Variants in LRP1B observed in about 807,000 individuals in gnomAD.
LRP1B encodes low-density lipoprotein receptor-related protein 1B.
LRP1B carries 217 observed loss-of-function variants against 556.6 expected under a neutral mutation model. The observed-to-expected ratio is 0.39, with a 90% CI of 0.35 to 0.44. LRP1B has a LOEUF of 0.44. LRP1B is among the 20% of genes least tolerant of loss of function. The pLI, the probability that LRP1B is intolerant of heterozygous loss-of-function variation, is 1.00. For missense variants in LRP1B, 5,053 were observed against 5,620.8 expected (o/e 0.90, Z 3.23); for synonymous variants, 2,047 against 1,865.8 (o/e 1.10, Z -2.50).
intron 1 of LRP1B, among the ~76,000 whole-genome samples, chr2:142,016,722 A>G (rs1559023952): frequency 6.6e-6 from 1 of 151,970 alleles, no homozygotes; most frequent in Non-Finnish European, 1.5e-5. Flanking sequence ...GAAATACCTA[A>G]TGTAGATGAC....
At chr2:140,881,150 A>G (rs1693459775) in intron 25 of LRP1B, among the ~76,000 whole-genome samples, 1 of 152,168 alleles carries the variant, frequency 6.6e-6, no homozygotes, top group African/African-American at 2.4e-5. Context: ...AATTGGGGAA[A>G]ATCTTATGTT....
At chr2:140,915,810 C>T (rs7600168) in intron 21 of LRP1B, among the ~76,000 whole-genome samples, 32,694 of 151,712 alleles carry the variant, frequency 0.22, 3,991 homozygotes, top group East Asian at 0.42. Flanking sequence ...TGTCAGCTCA[C>T]GAGGTCAGGA....
At chr2:140,459,556 G>A (rs1346153639) in intron 60 of LRP1B, among the ~76,000 whole-genome samples, 1 of 152,148 alleles carries the variant, frequency 6.6e-6, no homozygotes, top group Non-Finnish European at 1.5e-5. Context: ...CATTTCAAAA[G>A]GAAGTCTTTT....
chr2:140,382,267 C>A (rs1683544635), intron 67 of LRP1B, among the ~76,000 whole-genome samples: 1 of 152,066 alleles, frequency 6.6e-6, no homozygotes, highest in Middle Eastern at 3.4e-3. Context: ...GCAGAAGCAG[C>A]TTGTCTCTCT....
intron 1 of LRP1B, among the ~76,000 whole-genome samples, chr2:141,999,748 T>C (rs1702601554): frequency 6.6e-6 from 1 of 151,942 alleles, no homozygotes; most frequent in Admixed American, 6.6e-5. Context: ...TAGTTGATTA[T>C]CATTAGAAAT....
At chr2:140,745,417 T>C (rs1688283379) in intron 35 of LRP1B, among the ~76,000 whole-genome samples, 1 of 152,170 alleles carries the variant, frequency 6.6e-6, no homozygotes, top group African/African-American at 2.4e-5. Flanking sequence ...TCAATCTAAT[T>C]TGATTAGGCA....
intron 35 of LRP1B, among the ~76,000 whole-genome samples, chr2:140,745,351 T>G (rs1196911807): frequency 3.9e-5 from 6 of 152,174 alleles, no homozygotes; most frequent in Non-Finnish European, 8.8e-5. Context: ...TTACTCAAAT[T>G]CTTTAAAATA....
Position 140,529,442 on chromosome 2 carries a change from G to GGGGA in LRP1B, c.7763-3093_7763-3092insTCCC, listed in dbSNP as rs1553481433. ...AAAGGGAAGCTGAAAAGGGGGGGGG[G>GGGGA]AAGCATTAAGTTTGCTCTCATATCT... On this transcript the variant is annotated intron_variant, in intron 47 of 90. Coordinates refer to ENST00000389484, the MANE Select transcript of LRP1B (RefSeq NM_018557.3). Among the ~76,000 whole-genome samples, 1,226 of 149,728 alleles carry GGGGA rather than the reference G, an allele frequency of 8.2e-3. 18 individuals carry two copies. Among genetic ancestry groups the GGGGA allele is most frequent in the African/African-American group, 0.027 (1,090 of 40,494 alleles).
At chr2:141,695,723 A>C (rs1235874326) in intron 2 of LRP1B, among the ~76,000 whole-genome samples, 2 of 152,126 alleles carry the variant, frequency 1.3e-5, no homozygotes, top group Non-Finnish European at 2.9e-5. Context: ...TGTTAAAAAA[A>C]ACCCAAAAAC....
At chr2:140,319,218 A>G (rs889213140) in intron 82 of LRP1B, among the ~76,000 whole-genome samples, 5 of 152,166 alleles carry the variant, frequency 3.3e-5, no homozygotes, top group African/African-American at 1.2e-4. Flanking sequence ...GGATTACATA[A>G]AAGAGGAAAG....
intron 32 of LRP1B, among the ~76,000 whole-genome samples, chr2:140,787,230 G>A (rs1330471365): frequency 6.6e-6 from 1 of 152,168 alleles, no homozygotes; most frequent in East Asian, 1.9e-4. Flanking sequence ...TTAATATAGA[G>A]TTGATAGTAT....
intron 83 of LRP1B, among the ~76,000 whole-genome samples, chr2:140,310,717 C>A (rs1253153643): frequency 1.3e-5 from 2 of 151,648 alleles, no homozygotes; most frequent in African/African-American, 2.4e-5. Context: ...GAAATTAGAG[C>A]CCTAACTCTC....
At chr2:141,045,110 G>A (rs1698828405) in intron 11 of LRP1B, among the ~76,000 whole-genome samples, 1 of 145,614 alleles carries the variant, frequency 6.9e-6, no homozygotes, top group African/African-American at 2.5e-5. Context: ...ATGAGTTCAT[G>A]TCCTTTGTGG....
At chr2:141,319,127 A>G (rs546204253) in intron 3 of LRP1B, among the ~76,000 whole-genome samples, 1 of 152,162 alleles carries the variant, frequency 6.6e-6, no homozygotes, top group South Asian at 2.1e-4. Flanking sequence ...ATTCTAGCAA[A>G]TAAGGACTAT....
chr2:141,715,035 A>G (rs1343486202), intron 2 of LRP1B, among the ~76,000 whole-genome samples: 5 of 152,198 alleles, frequency 3.3e-5, no homozygotes, highest in African/African-American at 1.2e-4. Flanking sequence ...CAAAAGCTTC[A>G]TTGAGATCAA....
chr2:141,808,738 T>C (rs1263152145), intron 2 of LRP1B, among the ~76,000 whole-genome samples: 1 of 152,052 alleles, frequency 6.6e-6, no homozygotes, highest in African/African-American at 2.4e-5. Context: ...CATTCCTCAT[T>C]CCCTTGCCTG....
intron 1 of LRP1B, among the ~76,000 whole-genome samples, chr2:141,960,719 T>A (rs1254912263): frequency 6.6e-6 from 1 of 151,922 alleles, no homozygotes; most frequent in Admixed American, 6.6e-5. Flanking sequence ...TCCACTTTAA[T>A]TTGTACTACG....
At chr2:140,883,532 T>C (rs1693538213) in intron 25 of LRP1B, among the ~76,000 whole-genome samples, 1 of 150,888 alleles carries the variant, frequency 6.6e-6, no homozygotes, top group African/African-American at 2.4e-5. Flanking sequence ...TGCAATAGCT[T>C]CCAATAGGGC....
At position 140,982,222 on chromosome 2, in the gene LRP1B, C is replaced by G; in HGVS notation, c.2825G>C (p.Arg942Thr). ...GTCTTCCCTGTCACACAGCCATGCTCTGGGAATGCAACGCCCATTTCCGCA... is the reference window on the plus strand; with the variant it reads ...GTCTTCCCTGTCACACAGCCATGCTGTGGGAATGCAACGCCCATTTCCGCA... ...FSCGNGRCIP[R>T]AWLCDREDDC... Residue 942 changes from arginine to threonine, a missense_variant, in exon 18 of 91, where the codon AGA becomes ACA. Transcript: ENST00000389484. 3 of 1,613,428 alleles carry G rather than the reference C, an allele frequency of 1.9e-6. No homozygotes were observed. Among genetic ancestry groups the G allele is most frequent in the Non-Finnish European group, 2.5e-6 (3 of 1,179,588 alleles).
Sources: gnomAD v4.1 joint callset for allele counts (sites outside exome capture counted in the v4.1 genomes callset) on GRCh38, gnomAD v4.1.1 for gene constraint, MANE v1.5 for transcripts, NCBI Gene and HGNC (gene_info 2026-07-23, HGNC 2026-07-21) for gene names.